The following DGKB variants were observed in gnomAD, a reference collection of about 807,000 sequenced individuals.
DGKB encodes the protein diacylglycerol kinase beta, also known as 90 kDa diacylglycerol kinase.
In DGKB, 67 loss-of-function variants were observed where a neutral mutation model predicts 114.3. The ratio of observed to expected loss-of-function variants is 0.59; its 90% CI spans 0.48 to 0.72. The LOEUF is 0.72. Among genes scored for constraint, DGKB ranks in the 30% least tolerant of loss-of-function variants. The pLI is 0.00. For synonymous variants in DGKB, 398 were observed against 323.1 expected (o/e 1.23, Z -2.49); for missense variants, 907 against 975.2 (o/e 0.93, Z 0.93).
intron 2 of DGKB, among the ~76,000 whole-genome samples, chr7:14,838,547 T>C (rs1847472765): frequency 6.6e-6 from 1 of 152,138 alleles, no homozygotes; most frequent in African/African-American, 2.4e-5. Context: ...CCTCTCTCTC[T>C]CTCTCTGTCA....
intron 1 of DGKB, among the ~76,000 whole-genome samples, chr7:14,918,878 A>G (rs1291856668): frequency 2.0e-5 from 3 of 151,946 alleles, no homozygotes; most frequent in Non-Finnish European, 4.4e-5. Context: ...ACTGGCCAAC[A>G]CGGTGAAACC....
At chr7:14,196,712 T>G (rs769558680) in intron 23 of DGKB, among the ~76,000 whole-genome samples, 6 of 152,068 alleles carry the variant, frequency 3.9e-5, no homozygotes, top group Non-Finnish European at 7.4e-5. Context: ...AACTTGCAAC[T>G]TACTACAGTA....
Position 14,831,059 on chromosome 7 carries a change from T to C in DGKB, c.70+10135A>G, listed in dbSNP as rs1040945870. Among the ~76,000 whole-genome samples, 5 of 152,048 alleles carry C rather than the reference T, an allele frequency of 3.3e-5. No homozygotes were observed. The East Asian group carries it at 9.8e-4, about 30-fold the overall frequency. On this transcript the variant is annotated intron_variant, in intron 2 of 25. Transcript: ENST00000402815. ...CAGCAATTACGTGAATTCCCCTTCA[T>C]TCTTCCTGGATAAATATAGAAAAGT...
At chr7:14,814,812 C>G (rs1474845731) in intron 2 of DGKB, among the ~76,000 whole-genome samples, 4 of 152,152 alleles carry the variant, frequency 2.6e-5, no homozygotes, top group Non-Finnish European at 5.9e-5. Context: ...TGAACATACT[C>G]TAGGTAACTT....
At chr7:14,224,236 T>C (rs1235220942) in intron 23 of DGKB, among the ~76,000 whole-genome samples, 3 of 151,970 alleles carry the variant, frequency 2.0e-5, no homozygotes, top group Non-Finnish European at 2.9e-5. Context: ...TAATCTTTAC[T>C]GATCAATTTT....
chr7:14,868,963 T>C (rs184827477), intron 1 of DGKB, among the ~76,000 whole-genome samples: 120 of 152,274 alleles, frequency 7.9e-4, no homozygotes, highest in African/African-American at 2.8e-3. Context: ...ATGAAGACAC[T>C]TGGAGAAAGA....
chr7:14,874,588 TAC>T (rs373162561), intron 1 of DGKB, among the ~76,000 whole-genome samples: 14 of 151,456 alleles, frequency 9.2e-5, no homozygotes, highest in Admixed American at 1.3e-4. Context: ...TAGAAGGATA[TAC>T]ACACACACAC....
intron 21 of DGKB, among the ~76,000 whole-genome samples, chr7:14,387,601 G>C (rs1820619186): frequency 6.6e-6 from 1 of 151,934 alleles, no homozygotes; most frequent in African/African-American, 2.4e-5. Flanking sequence ...GTTTTCTGTA[G>C]AGACGGGGTC....
chr7:14,501,079 G>GA (rs1401504967), intron 20 of DGKB, among the ~76,000 whole-genome samples: 1 of 151,748 alleles, frequency 6.6e-6, no homozygotes, highest in African/African-American at 2.4e-5. Context: ...GATACTCCCA[G>GA]AAAAAATATT....
At chr7:14,916,785 A>C (rs1784258255) in intron 1 of DGKB, among the ~76,000 whole-genome samples, 1 of 152,116 alleles carries the variant, frequency 6.6e-6, no homozygotes. Context: ...ACCATCAATC[A>C]ACTATATCTA....
intron 2 of DGKB, among the ~76,000 whole-genome samples, chr7:14,774,603 A>C (rs997753045): frequency 2.0e-5 from 3 of 152,210 alleles, no homozygotes; most frequent in African/African-American, 7.2e-5. Flanking sequence ...TTGGATCATA[A>C]TTGAATATCA....
chr7:14,294,561 G>A (rs368477426), intron 23 of DGKB, among the ~76,000 whole-genome samples: 7 of 152,108 alleles, frequency 4.6e-5, no homozygotes, highest in African/African-American at 1.4e-4. Context: ...AGAAACATTC[G>A]GAGGAAGTGC....
At chr7:14,385,452 A>G (rs1358921719) in intron 21 of DGKB, among the ~76,000 whole-genome samples, 5 of 152,344 alleles carry the variant, frequency 3.3e-5, no homozygotes, top group Middle Eastern at 3.4e-3. Flanking sequence ...AGAATCTTCT[A>G]AACAGTTTTT....
intron 23 of DGKB, among the ~76,000 whole-genome samples, chr7:14,271,839 A>G (rs1343443736): frequency 6.6e-6 from 1 of 152,162 alleles, no homozygotes; most frequent in Non-Finnish European, 1.5e-5. Flanking sequence ...GTACAGGCAA[A>G]GCGTGATTTT....
rs576812257 is a variant in DGKB, at chr7:14,360,740, C to T, written c.1836-15349G>A. 2.6e-5 allele frequency among the ~76,000 whole-genome samples: 4 copies of T among 152,060 alleles called. No individual in the cohort carries two copies. The East Asian group carries it at 7.7e-4, about 29-fold the overall frequency. On this transcript the variant is annotated intron_variant, in intron 21 of 25. Coordinates refer to ENST00000402815, the MANE Select transcript of DGKB (RefSeq NM_001350709.2). ...TTGGCATATTCAAATATGAATGACA[C>T]CCCAAATCACTAGGCAAAGCAATCT...
intron 21 of DGKB, among the ~76,000 whole-genome samples, chr7:14,400,208 C>T (rs1194995182): frequency 1.3e-5 from 2 of 151,732 alleles, no homozygotes; most frequent in African/African-American, 4.8e-5. Flanking sequence ...TCAGTAATGC[C>T]AAACATAATG....
chr7:14,646,371 G>C (rs1281190384), intron 13 of DGKB, among the ~76,000 whole-genome samples: 1 of 152,088 alleles, frequency 6.6e-6, no homozygotes, highest in African/African-American at 2.4e-5. Context: ...CTCAACATTG[G>C]AGACCATAAT....
chr7:14,204,463 G>C (rs984006260), intron 23 of DGKB, among the ~76,000 whole-genome samples: 4 of 151,956 alleles, frequency 2.6e-5, no homozygotes, highest in African/African-American at 9.7e-5. Flanking sequence ...TGAAGTCTCT[G>C]GCTAAATCAC....
chr7:14,209,328 T>C (rs1057129315), intron 23 of DGKB: 3 of 311,558 alleles, frequency 9.6e-6, no homozygotes, highest in Middle Eastern at 1.1e-3. Context: ...TTCCTTTTCA[T>C]AGAGAGATAT....
Sources: gnomAD v4.1 joint callset for allele counts (sites outside exome capture counted in the v4.1 genomes callset) on GRCh38, gnomAD v4.1.1 for gene constraint, MANE v1.5 for transcripts, NCBI Gene and HGNC (gene_info 2026-07-23, HGNC 2026-07-21) for gene names.